ITGA10: variants seen among roughly 807,000 people sequenced by gnomAD.
The protein encoded by ITGA10 is integrin alpha-10.
ITGA10 carries 105 observed loss-of-function variants against 145.2 expected under a neutral mutation model. The ratio of observed to expected loss-of-function variants is 0.72; its 90% CI spans 0.62 to 0.85. ITGA10 has a LOEUF of 0.85. ITGA10 is among the 40% of genes least tolerant of loss of function. ITGA10 has a pLI of 0.00. For synonymous variants in ITGA10, 506 were observed against 557.8 expected (o/e 0.91, Z 1.31); for missense variants, 1,317 against 1,444.5 (o/e 0.91, Z 1.43).
rs1553751566 is a variant in ITGA10 at position 145,907,170 on chromosome 1, G to A, written c.165-20C>T. 6.4e-7 allele frequency: 1 copy of A among 1,558,822 alleles called. No individual in the cohort carries two copies. The highest frequency in any genetic ancestry group is 2.0e-5 in the Admixed American group (1 of 51,272). On this transcript the variant is annotated intron_variant, in intron 2 of 29. Coordinates refer to ENST00000369304, the MANE Select transcript of ITGA10 (RefSeq NM_003637.5). ...AGCATCCTGGGAAGAGGATGTGAAT[G>A]TAAGTAAGCACAGGGCAAACATGAC...
In ITGA10 at chr1:145,897,833, A is replaced by C. The variant is rs1459388332; in HGVS notation, c.2414T>G (p.Met805Arg). ...CVTDLVLQVNMDIRGSRKAPF... is the reference protein window; with the variant it reads ...CVTDLVLQVNRDIRGSRKAPF... ...ATCCAACCTGGAGCCTCTGATGTCC[A>C]TATTCACTTGAAGCACCAGGTCTGT... The change falls in exon 19 of 30, where the codon ATG becomes AGG. Residue 805 changes from methionine (M) to arginine (R), a missense_variant. Coordinates refer to ENST00000369304, the MANE Select transcript of ITGA10 (RefSeq NM_003637.5). The C allele has an allele frequency of 1.9e-6, 3 of 1,613,988 alleles. No homozygotes were observed. In the African/African-American group the frequency reaches 4.0e-5, roughly 22 times the overall value.
chr1:145,905,070 C>CACACACACACACG (rs1553750640), intron 5 of ITGA10, among the ~76,000 whole-genome samples: 3 of 151,422 alleles, frequency 2.0e-5, no homozygotes, highest in African/African-American at 7.3e-5. Context: ...ACACACACAC[C>CACACACACACACG]TACACATTTA....
chr1:145,901,592 T>C lies in ITGA10; in HGVS notation c.1367A>G (p.His456Arg), dbSNP rs1425713808. Residue 456 changes from histidine to arginine, a missense_variant, in exon 12 of 30, where the codon CAT becomes CGT. Physicochemically the swap from His to Arg is conservative, Grantham distance 29 (BLOSUM62 0). Coordinates refer to ENST00000369304, the MANE Select transcript of ITGA10 (RefSeq NM_003637.5). This position sits in a 1 kb window ranked among gnomAD's most constrained non-coding sequence, Gnocchi z 4.3. ...LFLSGAPRFR[H>R]RGKVIAFQLK... ...CTGGAAGGCGATGACTTTTCCTCGA[T>C]GTCTAAATCGAGGAGCCCCAGAGAG... 1.9e-6 allele frequency: 3 copies of C among 1,606,942 alleles called. No individual in the cohort carries two copies. Among genetic ancestry groups the C allele is most frequent in the Non-Finnish European group, 2.5e-6 (3 of 1,177,160 alleles).
In ITGA10 at chr1:145,906,766, A is replaced by G. The variant is rs782713067; in HGVS notation, c.333T>C (p.Ser111=). The G allele has an allele frequency of 6.2e-7, 1 of 1,613,822 alleles. No individual in the cohort carries two copies. The highest frequency in any genetic ancestry group is 1.1e-5 in the South Asian group (1 of 91,060). ...CCCCATCACCATCTGTCTCTAACAG[A>G]GACATCCCCAGGTGCATATTCACAG... is the stretch of plus-strand genomic sequence containing the variant. ...HPAVNMHLGM[S]LLETDGDGGF... Residue 111 remains serine (S), a synonymous_variant, in exon 4 of 30, where the codon TCT becomes TCC. Coordinates refer to ENST00000369304, the MANE Select transcript of ITGA10 (RefSeq NM_003637.5).
At chr1:145,894,400 G>A (rs1267480691) in intron 27 of ITGA10, among the ~76,000 whole-genome samples, 6 of 152,094 alleles carry the variant, frequency 3.9e-5, no homozygotes, top group South Asian at 4.1e-4. Flanking sequence ...GTGAGCCACC[G>A]CGCCCGGCCA....
rs782684267 is a variant in ITGA10 at position 145,895,405 on chromosome 1, G to T, written c.3115-12C>A. ...GTATTGCTCCCATTCTAACAGAAGA[G>T]ACAGAGAGAGACAGATCAGGACTCT... On this transcript the variant is annotated splice_polypyrimidine_tract_variant and intron_variant, in intron 26 of 29. Coordinates refer to ENST00000369304, the MANE Select transcript of ITGA10 (RefSeq NM_003637.5). 1 of 1,592,946 alleles carries T rather than the reference G, an allele frequency of 6.3e-7. No individual in the cohort carries two copies. The highest frequency in any genetic ancestry group is 1.1e-5 in the South Asian group (1 of 90,370).
In ITGA10 at chr1:145,900,947, TG is replaced by T. The variant is rs781882827; in HGVS notation, c.1633del (p.Gln545ArgfsTer15). On this transcript the variant is annotated frameshift_variant, in exon 14 of 30. Coordinates refer to ENST00000369304, the MANE Select transcript of ITGA10 (RefSeq NM_003637.5). LOFTEE classifies it high-confidence loss of function. ...LQGTLQPEPP[Q>X]DARFGFAMGA... is the part of the protein sequence containing the mutation. ...CATGGCAAAGCCAAACCGAGCATCC[TG>T]GGGGGGTTCTGGCTGAAGTGTTCCT... 3.1e-6 allele frequency: 5 copies of T among 1,613,876 alleles called. No homozygotes were observed. The highest frequency in any genetic ancestry group is 2.2e-5 in the East Asian group (1 of 44,886).
At chr1:145,908,017 G>A (rs1368037006) in intron 1 of ITGA10, among the ~76,000 whole-genome samples, 3 of 151,830 alleles carry the variant, frequency 2.0e-5, no homozygotes, top group East Asian at 1.9e-4. Context: ...TGATCCGCCC[G>A]CCTCGGCCTC....
chr1:145,900,842 G>A lies in ITGA10; in HGVS notation c.1739C>T (p.Ala580Val). 6.2e-7 allele frequency: 1 copy of A among 1,614,088 alleles called. No individual in the cohort carries two copies. Among genetic ancestry groups the A allele is most frequent in the Non-Finnish European group, 8.5e-7 (1 of 1,180,004 alleles). The change falls in exon 14 of 30, where the codon GCA (alanine) becomes GTA (valine). Residue 580 changes from alanine to valine, a missense_variant. Physicochemically the swap from Ala to Val is moderately conservative, Grantham distance 64. Transcript: ENST00000369304. ...CTGGGTTCCATGGTACAGGTACAGTGCTCCCTGGTGCCCATCTTCCAGAGG... is the reference window on the plus strand; with the variant it reads ...CTGGGTTCCATGGTACAGGTACAGTACTCCCTGGTGCCCATCTTCCAGAGG... ...GAPLEDGHQG[A>V]LYLYHGTQSG...
rs1553750554 is a variant in ITGA10, at chr1:145,904,814, AG to A, written c.482-4del. 6.2e-7 allele frequency: 1 copy of A among 1,613,630 alleles called. No individual in the cohort carries two copies. Among genetic ancestry groups the A allele is most frequent in the South Asian group, 1.1e-5 (1 of 91,062 alleles). The stretch of plus-strand genomic sequence containing the variant: ...AACATCCATGTATGTTGGGCAGCCT[AG>A]AAGGAAGGAGAACACTGAGGTAGAG... On this transcript the variant is annotated splice_region_variant and splice_polypyrimidine_tract_variant and intron_variant, in intron 5 of 29. Transcript: ENST00000369304.
At chr1:145,896,717 A>C (rs781792074) in intron 23 of ITGA10, 52 bp downstream of exon 23, 1 of 1,408,698 alleles carries the variant, frequency 7.1e-7, no homozygotes, top group East Asian at 2.3e-5. Context: ...AAGCAGCATA[A>C]GGGTATGAGT....
Position 145,901,782 on chromosome 1 carries a change from C to T in ITGA10, c.1294+95G>A, listed in dbSNP as rs587649273. On this transcript the variant is annotated intron_variant, in intron 11 of 29. Transcript: ENST00000369304. This position sits in a 1 kb window ranked among gnomAD's most constrained non-coding sequence, Gnocchi z 4.3. ...AAGTAACCAGAGGTCAGTGAGAAAC[C>T]GCATGAGTTAAGAGGGAGTATTTCA... 38 of 1,563,554 alleles carry T rather than the reference C, an allele frequency of 2.4e-5. No homozygotes were observed. Among genetic ancestry groups the T allele is most frequent in the East Asian group, 1.3e-4 (6 of 44,546 alleles).
intron 5 of ITGA10, 61 bp from the exon 6 acceptor site, chr1:145,904,872 G>A: frequency 1.3e-6 from 2 of 1,563,530 alleles, no homozygotes; most frequent in South Asian, 1.1e-5. Context: ...AGGGAAAGAG[G>A]TCACAGGAGG....
intron 10 of ITGA10, 105 bp from the exon 11 acceptor site, chr1:145,902,126 T>A: frequency 6.4e-7 from 1 of 1,573,968 alleles, no homozygotes; most frequent in Non-Finnish European, 8.7e-7. Context: ...TGGGCTCAGT[T>A]GGAAAGGCAT....
At position 145,903,849 on chromosome 1, in the gene ITGA10, C is replaced by G. The variant is rs1348320391; in HGVS notation, c.758+203G>C. Among the ~76,000 whole-genome samples, 7 of 152,150 alleles carry G rather than the reference C, an allele frequency of 4.6e-5. No homozygotes were observed. The East Asian group carries it at 1.4e-3, about 29-fold the overall frequency. On this transcript the variant is annotated intron_variant, in intron 7 of 29. Coordinates refer to ENST00000369304, the MANE Select transcript of ITGA10 (RefSeq NM_003637.5). ...TCTGAACAGGCATGCGCCACCATGCCTGGCTAATTTTGTATTTTTAGTAGA... is the reference window on the plus strand; with the variant it reads ...TCTGAACAGGCATGCGCCACCATGCGTGGCTAATTTTGTATTTTTAGTAGA...
intron 25 of ITGA10, 114 bp from the exon 26 acceptor site, chr1:145,895,825 TTCTC>T (rs1447250099): frequency 1.9e-5 from 20 of 1,075,580 alleles, no homozygotes; most frequent in African/African-American, 6.3e-5. Context: ...TACCTTTTTC[TTCTC>T]TCTAATAAGC....
At position 145,900,830 on chromosome 1, in the gene ITGA10, T is replaced by A. The variant is rs587624195; in HGVS notation, c.1751A>T (p.Tyr584Phe). The A allele has an allele frequency of 8.4e-5, 136 of 1,614,096 alleles. 1 individual carries two copies. The South Asian group carries it at 1.4e-3, about 16-fold the overall frequency. Residue 584 changes from tyrosine to phenylalanine, a missense_variant, in exon 14 of 30, where the codon TAC becomes TTC. Transcript: ENST00000369304. ...EDGHQGALYL[Y>F]HGTQSGVRPH... The stretch of plus-strand genomic sequence containing the variant: ...CCTGACTCCACTCTGGGTTCCATGG[T>A]ACAGGTACAGTGCTCCCTGGTGCCC...
Position 145,901,021 on chromosome 1 carries a change from C to T in ITGA10, c.1588-28G>A, listed in dbSNP as rs782099922. 4 of 1,613,636 alleles carry T rather than the reference C, an allele frequency of 2.5e-6. No individual in the cohort carries two copies. Among genetic ancestry groups the T allele is most frequent in the South Asian group, 1.1e-5 (1 of 91,076 alleles). On this transcript the variant is annotated intron_variant, in intron 13 of 29. Coordinates refer to ENST00000369304, the MANE Select transcript of ITGA10 (RefSeq NM_003637.5). The surrounding 1 kb of genome is among the most constrained non-coding windows in gnomAD (Gnocchi z 4.3). ...GGTGGAGGAGAGAAGATAGAAGATG[C>T]TAATCTGGCAGACCCAACCTCTCAG...
rs1213597024 is a variant in ITGA10 at position 145,897,530 on chromosome 1, C to T, written c.2556G>A (p.Leu852=). The part of the protein sequence containing the change: ...LSLIFSRNLH[L]ASLTPQRESP... Reference sequence around the variant, plus strand: ...AAGGCACCTGAGGAGTGAGACTGGCCAGGTGGAGGTTTCTAGAGAAGATGA... The same window carrying T: ...AAGGCACCTGAGGAGTGAGACTGGCTAGGTGGAGGTTTCTAGAGAAGATGA... The change falls in exon 20 of 30, where the codon CTG becomes CTA. Residue 852 remains leucine, a synonymous_variant. Coordinates refer to ENST00000369304, the MANE Select transcript of ITGA10 (RefSeq NM_003637.5). 1 of 1,614,078 alleles carries T rather than the reference C, an allele frequency of 6.2e-7. No homozygotes were observed. The highest frequency in any genetic ancestry group is 8.5e-7 in the Non-Finnish European group (1 of 1,180,010).
Sources: allele counts gnomAD v4.1 joint callset (sites outside exome capture counted in the v4.1 genomes callset), GRCh38; gene constraint gnomAD v4.1.1; non-coding constraint Gnocchi (gnomAD v3.1); transcripts MANE v1.5; gene names NCBI Gene and HGNC (gene_info 2026-07-23, HGNC 2026-07-21).